Variants in SLC30A6 observed in about 807,000 individuals in gnomAD.
SLC30A6 encodes the protein solute carrier family 30 member 6.
In SLC30A6, 55 loss-of-function variants were observed where a neutral mutation model predicts 63.0. The ratio of observed to expected loss-of-function variants is 0.87; its 90% CI spans 0.70 to 1.09. SLC30A6 has a LOEUF of 1.09. Among genes scored for constraint, SLC30A6 ranks in the 50% least tolerant of loss-of-function variants. The pLI is 0.00. For synonymous variants in SLC30A6, 224 were observed against 186.1 expected, an observed-to-expected ratio of 1.20 and a Z score of -1.66; for missense variants, 587 against 549.2, an observed-to-expected ratio of 1.07 and a Z score of -0.69.
intron 4 of SLC30A6, among the ~76,000 whole-genome samples, chr2:32,176,110 G>T (rs1681714435): frequency 6.6e-6 from 1 of 151,886 alleles, no homozygotes; most frequent in African/African-American, 2.4e-5. Flanking sequence ...CATTTGAAGG[G>T]CCCTACAATT....
At chr2:32,183,830 A>G (rs1198645127) in intron 4 of SLC30A6, among the ~76,000 whole-genome samples, 2 of 152,192 alleles carry the variant, frequency 1.3e-5, no homozygotes, top group Non-Finnish European at 2.9e-5. Context: ...AAATGAACAT[A>G]ATTTTATCTC....
Position 32,176,818 on chromosome 2 carries a change from G to A in SLC30A6, c.218+1457G>A, listed in dbSNP as rs141014378. The stretch of plus-strand genomic sequence containing the variant: ...GACGGAATCTTACTCTGTCACCCAG[G>A]CTGGAGAGCAGTGGCATGATCTCAG... On this transcript the variant is annotated intron_variant, in intron 4 of 13. Coordinates refer to ENST00000282587, the MANE Select transcript of SLC30A6 (RefSeq NM_017964.5). Among the ~76,000 whole-genome samples the A allele has an allele frequency of 9.2e-3, 1,397 of 151,222 alleles. 21 individuals are homozygous for A. The highest frequency in any genetic ancestry group is 0.032 in the African/African-American group (1,336 of 41,212).
Position 32,224,208 on chromosome 2 carries a change from A to T in SLC30A6, c.*3495A>T. ...GTTGAGAATCTCTTACATGCCAGGC[A>T]CTATACTAAGTTAATATGCATTCAG... On this transcript the variant is annotated 3_prime_UTR_variant, in exon 14 of 14. Transcript: ENST00000282587. 3.1e-6 allele frequency: 1 copy of T among 321,488 alleles called. No individual in the cohort carries two copies. Among genetic ancestry groups the T allele is most frequent in the Non-Finnish European group, 5.7e-6 (1 of 176,532 alleles). The allele number at this position is 321,488 out of a possible 1,614,324, so 19.9% of individuals were successfully genotyped here.
chr2:32,215,500 T>TTATATATATATATATATATATA (rs71407429), intron 13 of SLC30A6, among the ~76,000 whole-genome samples: 1 of 134,364 alleles, frequency 7.4e-6, no homozygotes, highest in African/African-American at 2.9e-5. Context: ...TGGCCATCTA[T>TTATATATATATATATATATATA]TATATATATA....
chr2:32,221,701 A>G lies in SLC30A6; in HGVS notation c.*988A>G, dbSNP rs1686153297. 6.6e-6 allele frequency: 1 copy of G among 152,126 alleles called. No homozygotes were observed. Among genetic ancestry groups the G allele is most frequent in the South Asian group, 2.1e-4 (1 of 4,834 alleles). The allele number at this position is 152,126 out of a possible 1,614,324, so 9.4% of individuals were successfully genotyped here. A position where few individuals can be genotyped will look rare whatever the true frequency, so the allele number is the denominator to read the frequency against. On this transcript the variant is annotated 3_prime_UTR_variant, in exon 14 of 14. Transcript: ENST00000282587. ...ATTTTTAATTATCAAGATTTTTGTTAAAGTTTCTCTCCTTTAAAAATTTTA... is the reference window on the plus strand; with the variant it reads ...ATTTTTAATTATCAAGATTTTTGTTGAAGTTTCTCTCCTTTAAAAATTTTA...
At chr2:32,210,534 A>G in intron 13 of SLC30A6, among the ~76,000 whole-genome samples, 1 of 149,126 alleles carries the variant, frequency 6.7e-6, no homozygotes, top group Non-Finnish European at 1.5e-5. Context: ...AAAAAAAAAA[A>G]AAAACAACAG....
Position 32,220,214 on chromosome 2 carries a change from C to T in SLC30A6, c.887C>T (p.Ala296Val). ...HFWTLGFGSLAGSVHVRIRRD... is the reference protein window; with the variant it reads ...HFWTLGFGSLVGSVHVRIRRD... ...TTGTTATGATTTTGCCCCTTTTAGG[C>T]TGGATCAGTGCATGTAAGAATTCGA... The change falls in exon 14 of 14, where the codon GCT (alanine) becomes GTT (valine). Residue 296 changes from alanine (A) to valine (V), a missense_variant and splice_region_variant. Ala to Val is a moderately conservative substitution (Grantham distance 64, BLOSUM62 0). Transcript: ENST00000282587. The T allele has an allele frequency of 1.2e-6, 2 of 1,609,502 alleles. No individual in the cohort carries two copies. The highest frequency in any genetic ancestry group is 8.5e-7 in the Non-Finnish European group (1 of 1,176,330).
At chr2:32,173,354 GTTGAACAGCCAA>G (rs1681407279) in intron 2 of SLC30A6, among the ~76,000 whole-genome samples, 1 of 150,566 alleles carries the variant, frequency 6.6e-6, no homozygotes, top group Non-Finnish European at 1.5e-5. Flanking sequence ...CTTGGTTGAT[GTTGAACAGCCAA>G]AGTCAGTACT....
intron 11 of SLC30A6, among the ~76,000 whole-genome samples, 170 bp from the exon 12 acceptor site, chr2:32,206,716 A>G (rs1197412100): frequency 1.3e-5 from 2 of 152,044 alleles, no homozygotes; most frequent in Non-Finnish European, 2.9e-5. Flanking sequence ...CCAGTTGATG[A>G]TGTTGTTCCA....
At chr2:32,219,806 C>T (rs1686017648) in intron 13 of SLC30A6, among the ~76,000 whole-genome samples, 2 of 152,188 alleles carry the variant, frequency 1.3e-5, no homozygotes, top group African/African-American at 4.8e-5. Flanking sequence ...TTGCTTTTCC[C>T]TCAGTGTGGA....
At chr2:32,171,438 T>C (rs1281829655) in intron 2 of SLC30A6, 65 bp downstream of exon 2, 30 of 1,329,598 alleles carry the variant, frequency 2.3e-5, no homozygotes, top group Non-Finnish European at 3.1e-5. Flanking sequence ...TGAAGAAAGA[T>C]AATTTTTAAG....
chr2:32,203,476 G>A, intron 10 of SLC30A6: 6 of 1,597,412 alleles, frequency 3.8e-6, no homozygotes, highest in African/African-American at 1.3e-5. Flanking sequence ...AAGGGGCAGT[G>A]GATGCATTGG....
chr2:32,181,379 G>A (rs1237953108), intron 4 of SLC30A6, among the ~76,000 whole-genome samples: 1 of 151,822 alleles, frequency 6.6e-6, no homozygotes, highest in Non-Finnish European at 1.5e-5. Context: ...CCTGATTTGA[G>A]GATTATTAAG....
intron 11 of SLC30A6, among the ~76,000 whole-genome samples, chr2:32,205,159 G>A (rs916757409): frequency 2.1e-4 from 32 of 151,988 alleles, no homozygotes; most frequent in Admixed American, 1.5e-3. Flanking sequence ...GGTGGCTCAC[G>A]CTTGTAATCC....
chr2:32,207,202 TTTATTTAG>T (rs1166665211), intron 12 of SLC30A6, among the ~76,000 whole-genome samples: 2 of 152,044 alleles, frequency 1.3e-5, no homozygotes, highest in African/African-American at 4.8e-5. Flanking sequence ...TTTTATTTAT[TTTATTTAG>T]TTATTTAGTT....
chr2:32,168,331 A>T (rs995457038), intron 1 of SLC30A6, among the ~76,000 whole-genome samples: 1 of 151,300 alleles, frequency 6.6e-6, no homozygotes, highest in African/African-American at 2.4e-5. Context: ...TTTATTTTTT[A>T]AAATAAATAT....
At chr2:32,175,191 T>G in intron 3 of SLC30A6, 128 bp from the exon 4 acceptor site, 25 of 728,936 alleles carry the variant, frequency 3.4e-5, no homozygotes, top group East Asian at 5.4e-5. Flanking sequence ...TGCCAATATA[T>G]GAGGTTGGCC....
chr2:32,197,429 A>T, intron 9 of SLC30A6, 37 bp downstream of exon 9: 1 of 1,564,860 alleles, frequency 6.4e-7, no homozygotes, highest in Non-Finnish European at 8.8e-7. Flanking sequence ...TGCATAATTT[A>T]AAGGAATACA....
intron 4 of SLC30A6, among the ~76,000 whole-genome samples, chr2:32,183,523 A>C (rs1452035581): frequency 6.6e-6 from 1 of 151,460 alleles, no homozygotes; most frequent in Non-Finnish European, 1.5e-5. Flanking sequence ...CTCTACTAAA[A>C]AAAAATATAT....
Sources: gnomAD v4.1 joint callset for allele counts (sites outside exome capture counted in the v4.1 genomes callset) on GRCh38, gnomAD v4.1.1 for gene constraint, MANE v1.5 for transcripts, NCBI Gene and HGNC (gene_info 2026-07-23, HGNC 2026-07-21) for gene names.